SEMA3A: variants seen among roughly 807,000 people sequenced by gnomAD.
SEMA3A encodes semaphorin-3A.
A neutral mutation model predicts 97.9 loss-of-function variants in SEMA3A; 29 were observed. That is an observed-to-expected ratio of 0.30 (90% CI 0.22 to 0.40). The LOEUF (loss-of-function observed/expected upper bound fraction) is 0.40, where lower values mean the gene tolerates loss of function less well. SEMA3A is among the 10% of genes least tolerant of loss of function. The pLI is 1.00. For missense variants in SEMA3A, 763 were observed against 951.3 expected (o/e 0.80, Z 2.60); for synonymous variants, 321 against 323.7 (o/e 0.99, Z 0.09).
intron 1 of SEMA3A, among the ~76,000 whole-genome samples, chr7:84,405,468 C>A (rs1303025872): frequency 6.6e-6 from 1 of 152,120 alleles, no homozygotes; most frequent in African/African-American, 2.4e-5. Flanking sequence ...ACCTCACTGT[C>A]AACATTAGAC....
At chr7:84,087,248 G>A in intron 4 of SEMA3A, among the ~76,000 whole-genome samples, 1 of 152,236 alleles carries the variant, frequency 6.6e-6, no homozygotes, top group East Asian at 1.9e-4. Context: ...TGATTCATTA[G>A]AAGTGTGATT....
At chr7:84,018,224 G>A (rs936092342) in intron 6 of SEMA3A, among the ~76,000 whole-genome samples, 1 of 151,914 alleles carries the variant, frequency 6.6e-6, no homozygotes. Context: ...CTTCACCTCC[G>A]AATTTCTCTT....
chr7:84,050,688 T>G (rs891805185), intron 5 of SEMA3A, among the ~76,000 whole-genome samples: 4 of 152,208 alleles, frequency 2.6e-5, no homozygotes, highest in African/African-American at 9.7e-5. Context: ...TAGTTTCTTA[T>G]GCTGTGCAGA....
At chr7:84,033,641 ATAATC>A (rs1791837559) in intron 6 of SEMA3A, among the ~76,000 whole-genome samples, 1 of 152,212 alleles carries the variant, frequency 6.6e-6, no homozygotes, top group African/African-American at 2.4e-5. Context: ...GGGATATAAA[ATAATC>A]TATTCAGGTA....
chr7:84,285,430 T>C (rs2115760806), intron 3 of SEMA3A, among the ~76,000 whole-genome samples: 1 of 152,306 alleles, frequency 6.6e-6, no homozygotes. Context: ...TTTTAAAACA[T>C]GCAGTTATGG....
intron 1 of SEMA3A, among the ~76,000 whole-genome samples, chr7:84,138,037 A>T (rs897842935): frequency 6.7e-6 from 1 of 149,220 alleles, no homozygotes; most frequent in Non-Finnish European, 1.5e-5. Context: ...GTATCTTTTA[A>T]GAGTTACTGA....
At chr7:84,180,307 T>A (rs567055313) in intron 1 of SEMA3A, among the ~76,000 whole-genome samples, 1 of 152,164 alleles carries the variant, frequency 6.6e-6, no homozygotes, top group Non-Finnish European at 1.5e-5. Context: ...CATTGCTGCA[T>A]GAAATGAACT....
chr7:84,378,152 T>C (rs1337867476), intron 1 of SEMA3A, among the ~76,000 whole-genome samples: 1 of 152,100 alleles, frequency 6.6e-6, no homozygotes, highest in African/African-American at 2.4e-5. Flanking sequence ...AATTTTCCAA[T>C]ATTTCTGGGT....
intron 1 of SEMA3A, among the ~76,000 whole-genome samples, chr7:84,167,082 G>GATGCACTACATCAGT (rs1347253459): frequency 2.1e-5 from 1 of 47,214 alleles, no homozygotes; most frequent in Non-Finnish European, 5.9e-5. Flanking sequence ...ATGTAGGACT[G>GATGCACTACATCAGT]ATGTATGGCA....
At chr7:84,064,109 A>C (rs1793376985) in intron 4 of SEMA3A, among the ~76,000 whole-genome samples, 2 of 152,196 alleles carry the variant, frequency 1.3e-5, no homozygotes, top group South Asian at 4.1e-4. Context: ...AGGGGGGGCC[A>C]ATATTCAACA....
At chr7:83,971,323 T>G (rs1374197338) in intron 15 of SEMA3A, among the ~76,000 whole-genome samples, 1 of 152,002 alleles carries the variant, frequency 6.6e-6, no homozygotes, top group African/African-American at 2.4e-5. Flanking sequence ...TCCCAGCTAC[T>G]TGGGAGGCTG....
At chr7:83,985,331 T>C in intron 13 of SEMA3A, 105 bp downstream of exon 13, 6 of 797,064 alleles carry the variant, frequency 7.5e-6, no homozygotes, top group South Asian at 1.7e-5. Flanking sequence ...TGTATTTTTG[T>C]ATAATTGTTA....
intron 1 of SEMA3A, among the ~76,000 whole-genome samples, chr7:84,443,230 A>G (rs1805316228): frequency 6.6e-6 from 1 of 152,170 alleles, no homozygotes; most frequent in Non-Finnish European, 1.5e-5. Context: ...TTAGGCAACA[A>G]ATTACACCTC....
At chr7:84,323,809 A>G (rs1489407171) in intron 2 of SEMA3A, among the ~76,000 whole-genome samples, 1 of 152,164 alleles carries the variant, frequency 6.6e-6, no homozygotes, top group African/African-American at 2.4e-5. Context: ...TTAATTTAGA[A>G]TTTAATTTTC....
intron 2 of SEMA3A, among the ~76,000 whole-genome samples, chr7:84,364,307 C>T (rs932020643): frequency 2.0e-5 from 3 of 151,524 alleles, no homozygotes; most frequent in Non-Finnish European, 4.4e-5. Context: ...CCTGAAAACA[C>T]CTTGTACATT....
intron 3 of SEMA3A, among the ~76,000 whole-genome samples, chr7:84,200,967 G>A (rs532223152): frequency 1.3e-5 from 2 of 151,798 alleles, no homozygotes; most frequent in South Asian, 2.1e-4. Context: ...GTTGGCTATC[G>A]GGTGTTTCAG....
chr7:84,327,410 G>C (rs1293155180), intron 2 of SEMA3A, among the ~76,000 whole-genome samples: 1 of 151,668 alleles, frequency 6.6e-6, no homozygotes, highest in Non-Finnish European at 1.5e-5. Context: ...GAGAGAAAGG[G>C]AGGTAGTGGG....
intron 3 of SEMA3A, among the ~76,000 whole-genome samples, chr7:84,231,232 G>A (rs568591557): frequency 6.7e-4 from 102 of 152,062 alleles, no homozygotes; most frequent in African/African-American, 2.3e-3. Flanking sequence ...TCTGACTGTA[G>A]AGTGTGTGCC....
intron 2 of SEMA3A, among the ~76,000 whole-genome samples, chr7:84,319,961 T>C (rs1801606922): frequency 6.6e-6 from 1 of 152,176 alleles, no homozygotes; most frequent in African/African-American, 2.4e-5. Context: ...AGAGAATTAA[T>C]TCACTACACT....
Sources: allele counts gnomAD v4.1 joint callset (sites outside exome capture counted in the v4.1 genomes callset), GRCh38; gene constraint gnomAD v4.1.1; transcripts MANE v1.5; gene names NCBI Gene and HGNC (gene_info 2026-07-23, HGNC 2026-07-21).